FOXP2: variants seen among roughly 807,000 people sequenced by gnomAD.
The protein encoded by FOXP2 is forkhead box protein P2.
Under a neutral mutation model 115.8 loss-of-function variants are expected in FOXP2, and 12 were observed. The ratio of observed to expected loss-of-function variants is 0.10; its 90% CI spans 0.07 to 0.17. FOXP2 has a LOEUF of 0.17. Ranked by LOEUF, FOXP2 falls within the 10% of genes least tolerant of loss-of-function variation. The probability of loss-of-function intolerance (pLI) is 1.00; values close to 1 mark genes in which losing one functional copy is unlikely to be tolerated. For synonymous variants in FOXP2, 328 were observed against 297.7 expected, an observed-to-expected ratio of 1.10 and a Z score of -1.05; for missense variants, 629 against 843.5, an observed-to-expected ratio of 0.75 and a Z score of 3.15.
chr7:114,521,592 C>T (rs1223017828), intron 2 of FOXP2, among the ~76,000 whole-genome samples: 1 of 142,460 alleles, frequency 7.0e-6, no homozygotes, highest in East Asian at 2.2e-4. Flanking sequence ...TCTTTTTATA[C>T]TTAAACAATC....
intron 1 of FOXP2, among the ~76,000 whole-genome samples, chr7:114,141,590 G>C (rs1251844951): frequency 6.6e-6 from 1 of 152,212 alleles, no homozygotes; most frequent in Non-Finnish European, 1.5e-5. Context: ...TCCACCCTCA[G>C]GGTGCTAAAG....
chr7:114,207,845 T>G (rs1794238716), intron 1 of FOXP2, among the ~76,000 whole-genome samples: 1 of 152,194 alleles, frequency 6.6e-6, no homozygotes, highest in African/African-American at 2.4e-5. Flanking sequence ...GACTCAAGCT[T>G]TATTTGAATG....
intron 1 of FOXP2, among the ~76,000 whole-genome samples, chr7:114,199,116 A>G (rs543121222): frequency 1.3e-5 from 2 of 152,310 alleles, no homozygotes; most frequent in Admixed American, 6.5e-5. Context: ...TCCTGGGCTA[A>G]GGAGATTCTT....
intron 1 of FOXP2, among the ~76,000 whole-genome samples, chr7:114,166,250 T>A (rs1196128227): frequency 6.6e-6 from 1 of 152,110 alleles, no homozygotes; most frequent in African/African-American, 2.4e-5. Flanking sequence ...AAAAAATTAA[T>A]AAGTTGGATT....
chr7:114,155,304 T>A (rs1792633461), intron 1 of FOXP2, among the ~76,000 whole-genome samples: 1 of 152,088 alleles, frequency 6.6e-6, no homozygotes, highest in South Asian at 2.1e-4. Flanking sequence ...TCCTTTGGAA[T>A]TCAGGCGCAG....
At chr7:114,650,932 T>A (rs912061920) in intron 8 of FOXP2, among the ~76,000 whole-genome samples, 1 of 152,036 alleles carries the variant, frequency 6.6e-6, no homozygotes, top group Non-Finnish European at 1.5e-5. Context: ...GGTTTCTGAT[T>A]GTTGAACCTA....
chr7:114,197,385 G>A (rs1793940819), intron 1 of FOXP2, among the ~76,000 whole-genome samples: 1 of 152,190 alleles, frequency 6.6e-6, no homozygotes, highest in African/African-American at 2.4e-5. Flanking sequence ...TTCTGGTGAA[G>A]TCTCTCTTTC....
chr7:114,137,915 T>C (rs1346939709), intron 1 of FOXP2, among the ~76,000 whole-genome samples: 1 of 152,124 alleles, frequency 6.6e-6, no homozygotes, highest in Non-Finnish European at 1.5e-5. Context: ...GTAGTGGCCA[T>C]ATCTTGGTTT....
intron 3 of FOXP2, among the ~76,000 whole-genome samples, chr7:114,581,287 G>A (rs1241648902): frequency 6.6e-6 from 1 of 151,426 alleles, no homozygotes; most frequent in African/African-American, 2.4e-5. Flanking sequence ...AGGCTTAAGC[G>A]ATCCTCCCTC....
chr7:114,226,676 G>A (rs1794755968), intron 1 of FOXP2, among the ~76,000 whole-genome samples: 1 of 152,040 alleles, frequency 6.6e-6, no homozygotes, highest in South Asian at 2.1e-4. Context: ...GGTTTTGAAA[G>A]TTTCCCATTT....
At chr7:114,548,018 C>A (rs1022303863) in intron 3 of FOXP2, among the ~76,000 whole-genome samples, 1 of 152,296 alleles carries the variant, frequency 6.6e-6, no homozygotes, top group South Asian at 2.1e-4. Context: ...TAGTCCAGAG[C>A]TGACTGGTAC....
At chr7:114,375,108 T>C (rs999445509) in intron 2 of FOXP2, among the ~76,000 whole-genome samples, 1 of 151,920 alleles carries the variant, frequency 6.6e-6, no homozygotes, top group East Asian at 1.9e-4. Context: ...AAAAAAAAAA[T>C]TGATAAGGGT....
chr7:114,688,393 A>C (rs2129353704), intron 16 of FOXP2, among the ~76,000 whole-genome samples: 1 of 152,252 alleles, frequency 6.6e-6, no homozygotes. Context: ...TTTGAATAAT[A>C]AGTTATTTTG....
At chr7:114,627,540 A>C (rs1017251137) in intron 3 of FOXP2, among the ~76,000 whole-genome samples, 8 of 151,460 alleles carry the variant, frequency 5.3e-5, no homozygotes, top group African/African-American at 1.9e-4. Context: ...TCTGATCACC[A>C]CTCTTACCAT....
At chr7:114,346,435 A>G (rs1206561754) in intron 2 of FOXP2, among the ~76,000 whole-genome samples, 2 of 151,902 alleles carry the variant, frequency 1.3e-5, no homozygotes, top group Non-Finnish European at 2.9e-5. Flanking sequence ...CTGAGTGTAT[A>G]GTCAATGGAA....
At chr7:114,634,241 C>T (rs1277940722) in intron 6 of FOXP2, among the ~76,000 whole-genome samples, 1 of 152,114 alleles carries the variant, frequency 6.6e-6, no homozygotes, top group African/African-American at 2.4e-5. Flanking sequence ...AGTGATCCGC[C>T]TGCCTCGGCC....
intron 3 of FOXP2, among the ~76,000 whole-genome samples, chr7:114,622,710 G>A (rs1804321968): frequency 6.6e-6 from 1 of 151,850 alleles, no homozygotes; most frequent in South Asian, 2.1e-4. Context: ...CTTGCTTTTT[G>A]TTGAAATTAA....
chr7:114,677,826 A>G lies in FOXP2; in HGVS notation c.2004-11956A>G, dbSNP rs1158439541. The stretch of plus-strand genomic sequence containing the variant: ...GCTACTTTGCAATGTTTTCAAGTAG[A>G]GGCTTGCGAGGTTGAATGACCCATA... On this transcript the variant is annotated intron_variant, in intron 16 of 16. Transcript: ENST00000350908. Among the ~76,000 whole-genome samples, 3 of 152,338 alleles carry G rather than the reference A, an allele frequency of 2.0e-5. No homozygotes were observed. The South Asian group carries it at 6.2e-4, about 32-fold the overall frequency.
intron 1 of FOXP2, among the ~76,000 whole-genome samples, chr7:114,168,046 A>T (rs977125756): frequency 6.6e-6 from 1 of 151,842 alleles, no homozygotes; most frequent in African/African-American, 2.4e-5. Flanking sequence ...TGTGATTGTG[A>T]GGCCTCCCCA....
Sources: gnomAD v4.1 joint callset for allele counts (sites outside exome capture counted in the v4.1 genomes callset) on GRCh38, gnomAD v4.1.1 for gene constraint, MANE v1.5 for transcripts, NCBI Gene and HGNC (gene_info 2026-07-23, HGNC 2026-07-21) for gene names.